JADE3: variants seen among roughly 807,000 people sequenced by gnomAD.
JADE3 encodes jade family PHD finger 3, also known as protein Jade-3.
A neutral mutation model predicts 50.1 loss-of-function variants in JADE3; 2 were observed. The ratio of observed to expected loss-of-function variants is 0.04; its 90% confidence interval spans 0.02 to 0.13. The LOEUF (loss-of-function observed/expected upper bound fraction) is 0.13. Ranked by LOEUF, JADE3 falls within the 10% of genes least tolerant of loss-of-function variation. The probability of loss-of-function intolerance (pLI) is 1.00; values close to 1 mark genes in which losing one functional copy is unlikely to be tolerated. For missense variants in JADE3, 475 were observed against 634.4 expected, an observed-to-expected ratio of 0.75 and a Z score of 2.70; for synonymous variants, 218 against 232.9, an observed-to-expected ratio of 0.94 and a Z score of 0.58.
At chrX:47,046,494 A>C (rs1556370714) in intron 8 of JADE3, among the ~76,000 whole-genome samples, 1 of 112,050 alleles carries the variant, frequency 8.9e-6, no homozygotes, top group African/African-American at 3.2e-5. Flanking sequence ...TATTCCAAAA[A>C]ATAGAAGAGA....
intron 4 of JADE3, among the ~76,000 whole-genome samples, chrX:47,013,244 C>G (rs1237655807): frequency 2.7e-5 from 3 of 111,443 alleles, no homozygotes; most frequent in East Asian, 5.6e-4. Flanking sequence ...AAACTCCTGG[C>G]CTCAAGCAGT....
intron 1 of JADE3, among the ~76,000 whole-genome samples, chrX:46,919,653 G>C (rs782764414): frequency 5.4e-5 from 6 of 111,244 alleles, no homozygotes; most frequent in African/African-American, 2.0e-4. Flanking sequence ...CTTCACAACA[G>C]CTTGTGGCCT....
intron 1 of JADE3, among the ~76,000 whole-genome samples, chrX:46,923,393 C>CTCTTTTTTTTTTTTTTTTTT (rs1556338199): frequency 8.7e-5 from 1 of 11,525 alleles, no homozygotes; most frequent in African/African-American, 2.0e-4. Flanking sequence ...CTCTCTCTCT[C>CTCTTTTTTTTTTTTTTTTTT]TTTTTTTTTT....
chrX:47,002,259 C>G (rs1393269421), intron 4 of JADE3, among the ~76,000 whole-genome samples: 7 of 110,981 alleles, frequency 6.3e-5, no homozygotes, highest in Non-Finnish European at 7.6e-5. Context: ...ATGCGTGAAC[C>G]ATTTTGAATT....
chrX:46,938,210 G>A (rs1926676381), intron 1 of JADE3, among the ~76,000 whole-genome samples: 1 of 111,354 alleles, frequency 9.0e-6, no homozygotes, highest in African/African-American at 3.3e-5. Context: ...TTTTACATCT[G>A]TCGTTTTTTA....
intron 1 of JADE3, among the ~76,000 whole-genome samples, chrX:46,926,134 A>G (rs782259844): frequency 7.3e-5 from 8 of 109,147 alleles, no homozygotes; most frequent in Admixed American, 3.0e-4. Flanking sequence ...GGCTCAAGCA[A>G]TCCTTCTGCC....
intron 1 of JADE3, among the ~76,000 whole-genome samples, chrX:46,983,267 A>G (rs782133708): frequency 9.0e-6 from 1 of 111,397 alleles, no homozygotes; most frequent in Non-Finnish European, 1.9e-5. Context: ...CCCTGGGAAA[A>G]ATCTTTGAGC....
chrX:46,957,504 G>A (rs781944774), intron 1 of JADE3, among the ~76,000 whole-genome samples: 3 of 111,916 alleles, frequency 2.7e-5, no homozygotes, highest in Non-Finnish European at 5.6e-5. Flanking sequence ...GACTTGCTTT[G>A]GTCATTGAAA....
At chrX:46,981,301 A>G (rs1050873890) in intron 1 of JADE3, among the ~76,000 whole-genome samples, 2 of 112,550 alleles carry the variant, frequency 1.8e-5, no homozygotes, top group African/African-American at 3.2e-5. Context: ...ACATTTGGGT[A>G]TACTGTGTAT....
At chrX:46,983,489 C>T (rs1403310140) in intron 1 of JADE3, among the ~76,000 whole-genome samples, 1 of 111,197 alleles carries the variant, frequency 9.0e-6, no homozygotes, top group Non-Finnish European at 1.9e-5. Context: ...GGAGCCCCCA[C>T]CTCTCAGCCA....
At chrX:46,945,360 T>G (rs376197196) in intron 1 of JADE3, among the ~76,000 whole-genome samples, 2 of 111,325 alleles carry the variant, frequency 1.8e-5, no homozygotes, top group South Asian at 7.7e-4. Flanking sequence ...GACTAGGTAC[T>G]TTATAGCACC....
intron 1 of JADE3, among the ~76,000 whole-genome samples, chrX:46,962,999 C>T (rs1225188122): frequency 9.0e-6 from 1 of 110,826 alleles, no homozygotes; most frequent in Non-Finnish European, 1.9e-5. Flanking sequence ...CCGCCACGCC[C>T]AGCTAATTTT....
At chrX:46,988,452 A>G (rs1457091272) in intron 3 of JADE3, among the ~76,000 whole-genome samples, 2 of 111,632 alleles carry the variant, frequency 1.8e-5, no homozygotes, top group Non-Finnish European at 3.8e-5. Flanking sequence ...ACCAGTATGC[A>G]TTGGACATAT....
chrX:46,923,377 C>T (rs1379301302), intron 1 of JADE3, among the ~76,000 whole-genome samples: 2 of 37,768 alleles, frequency 5.3e-5, no homozygotes, highest in African/African-American at 6.8e-5. Flanking sequence ...GATTTCTTTT[C>T]TCTCTCTCTC....
intron 1 of JADE3, among the ~76,000 whole-genome samples, chrX:46,974,598 A>G (rs1263103016): frequency 8.9e-6 from 1 of 112,037 alleles, no homozygotes; most frequent in African/African-American, 3.2e-5. Context: ...ATTACTTCCA[A>G]ATACCATCAC....
chrX:47,020,053 G>A (rs963524195), intron 4 of JADE3, among the ~76,000 whole-genome samples: 11 of 112,069 alleles, frequency 9.8e-5, no homozygotes, highest in African/African-American at 2.3e-4. Flanking sequence ...GTATCAGGCC[G>A]GGCGCGGTGG....
At chrX:47,029,017 C>T (rs1476315646) in intron 6 of JADE3, among the ~76,000 whole-genome samples, 1 of 111,820 alleles carries the variant, frequency 8.9e-6, no homozygotes. Flanking sequence ...GTTAATTTGT[C>T]TAGCAAATAG....
chrX:46,977,274 G>A (rs782293786), intron 1 of JADE3, among the ~76,000 whole-genome samples: 4 of 111,541 alleles, frequency 3.6e-5, no homozygotes, highest in African/African-American at 9.7e-5. Context: ...CATGAGAATC[G>A]CCTGAATCCG....
chrX:47,002,733 T>C (rs1278886665), intron 4 of JADE3, among the ~76,000 whole-genome samples: 1 of 110,055 alleles, frequency 9.1e-6, no homozygotes, highest in African/African-American at 3.3e-5. Flanking sequence ...GACCATCATG[T>C]TACCTGCAAA....
Sources: gnomAD v4.1 joint callset for allele counts (sites outside exome capture counted in the v4.1 genomes callset) on GRCh38, gnomAD v4.1.1 for gene constraint, MANE v1.5 for transcripts, NCBI Gene and HGNC (gene_info 2026-07-23, HGNC 2026-07-21) for gene names.